Variants in MED15 observed in about 807,000 individuals in gnomAD.
MED15 encodes mediator complex subunit 15.
MED15 carries 41 observed loss-of-function variants against 118.7 expected under a neutral mutation model. That is an observed-to-expected ratio of 0.35 (90% CI 0.27 to 0.45). MED15 has a LOEUF of 0.45. Among genes scored for constraint, MED15 ranks in the 20% least tolerant of loss-of-function variants. The pLI is 1.00. For missense variants in MED15, 740 were observed against 1,025.5 expected (o/e 0.72, Z 3.80); for synonymous variants, 436 against 413.9 (o/e 1.05, Z -0.65).
At chr22:20,525,041 C>G (rs2054584500) in intron 1 of MED15, among the ~76,000 whole-genome samples, 1 of 152,088 alleles carries the variant, frequency 6.6e-6, no homozygotes, top group Non-Finnish European at 1.5e-5. Flanking sequence ...TTGCTCACAC[C>G]TATAATCCAG....
At position 20,566,703 on chromosome 22, in the gene MED15, A is replaced by G; in HGVS notation, c.927A>G (p.Pro309=). 6.2e-7 allele frequency: 1 copy of G among 1,614,144 alleles called. No individual in the cohort carries two copies. The highest frequency in any genetic ancestry group is 8.5e-7 in the Non-Finnish European group (1 of 1,180,020). Residue 309 remains proline, a synonymous_variant, in exon 7 of 18, where the codon CCA becomes CCG. Coordinates refer to ENST00000263205, the MANE Select transcript of MED15 (RefSeq NM_001003891.3). ...CGCCACCACAGCCCCAGCAGCCTCCAGTTGCTCAGAACCAACCATCACAAC... is the reference window on the plus strand; with the variant it reads ...CGCCACCACAGCCCCAGCAGCCTCCGGTTGCTCAGAACCAACCATCACAAC... The part of the protein sequence containing the change: ...HQPPPQPQQP[P]VAQNQPSQLP...
intron 1 of MED15, among the ~76,000 whole-genome samples, chr22:20,533,477 A>C (rs1010582326): frequency 6.6e-6 from 1 of 152,238 alleles, no homozygotes; most frequent in East Asian, 1.9e-4. Flanking sequence ...GTTACTGGCC[A>C]CCAAACCTGC....
intron 2 of MED15, among the ~76,000 whole-genome samples, chr22:20,543,126 TGTGTGTGTGTGTGTGTGTG>T (rs1370857632): frequency 2.9e-3 from 34 of 11,732 alleles, no homozygotes; most frequent in Non-Finnish European, 5.4e-3. Context: ...TGTGTGTGTG[TGTGTGTGTGTGTGTGTGTG>T]TGTGTGTATT....
chr22:20,525,946 G>A (rs1459803799), intron 1 of MED15, among the ~76,000 whole-genome samples: 2 of 150,932 alleles, frequency 1.3e-5, no homozygotes, highest in East Asian at 1.9e-4. Context: ...TTTGAGACAG[G>A]GTCTTACTCT....
intron 1 of MED15, among the ~76,000 whole-genome samples, chr22:20,531,163 GCC>G (rs770116559): frequency 6.8e-6 from 1 of 147,466 alleles, no homozygotes; most frequent in Non-Finnish European, 1.5e-5. Context: ...TAAGTTTGAT[GCC>G]CTGTGCTCCT....
At chr22:20,556,565 G>T (rs1250519640) in intron 5 of MED15, among the ~76,000 whole-genome samples, 1 of 152,194 alleles carries the variant, frequency 6.6e-6, no homozygotes, top group Admixed American at 6.5e-5. Flanking sequence ...CTCCCAAAGT[G>T]CTGGGATTAC....
chr22:20,541,682 G>T (rs1213590817), intron 2 of MED15, among the ~76,000 whole-genome samples: 4 of 142,104 alleles, frequency 2.8e-5, no homozygotes, highest in African/African-American at 8.0e-5. Flanking sequence ...ATGGAGTCTC[G>T]CTCTGTCGCC....
intron 8 of MED15, among the ~76,000 whole-genome samples, chr22:20,571,008 C>T (rs1239528817): frequency 6.6e-6 from 1 of 152,168 alleles, no homozygotes; most frequent in Admixed American, 6.5e-5. Flanking sequence ...GATCCACCTG[C>T]CTCAGCCTCC....
chr22:20,560,986 G>T (rs1049451186), intron 5 of MED15, among the ~76,000 whole-genome samples: 2 of 152,070 alleles, frequency 1.3e-5, no homozygotes, highest in African/African-American at 2.4e-5. Flanking sequence ...GTTCTGTCGG[G>T]TACATATAAA....
chr22:20,517,273 G>C (rs2054287073), intron 1 of MED15, among the ~76,000 whole-genome samples: 1 of 152,096 alleles, frequency 6.6e-6, no homozygotes, highest in South Asian at 2.1e-4. Context: ...TGTTTTAGTG[G>C]CTGCCCACTG....
chr22:20,586,447 A>G, intron 17 of MED15, 121 bp from the exon 18 acceptor site: 1 of 1,440,532 alleles, frequency 6.9e-7, no homozygotes, highest in Non-Finnish European at 9.4e-7. Context: ...CGTGCAGGAC[A>G]CATCACCTCC....
At chr22:20,538,945 C>T (rs2055184716) in intron 2 of MED15, among the ~76,000 whole-genome samples, 1 of 152,008 alleles carries the variant, frequency 6.6e-6, no homozygotes, top group Non-Finnish European at 1.5e-5. Context: ...AGGTGATCCG[C>T]CCGCCTCAGC....
At chr22:20,579,468 GGAGTGCC>G (rs2056915039) in intron 9 of MED15, among the ~76,000 whole-genome samples, 1 of 152,076 alleles carries the variant, frequency 6.6e-6, no homozygotes, top group Admixed American at 6.5e-5. Flanking sequence ...TGCACCCTGG[GGAGTGCC>G]TCCAGGGGAC....
At chr22:20,521,484 C>G (rs956117958) in intron 1 of MED15, among the ~76,000 whole-genome samples, 4 of 151,408 alleles carry the variant, frequency 2.6e-5, no homozygotes, top group African/African-American at 9.7e-5. Flanking sequence ...GCAAGCTCTG[C>G]CTCCCGGGTT....
At chr22:20,535,911 T>G (rs1265077849) in intron 1 of MED15, among the ~76,000 whole-genome samples, 1 of 122,512 alleles carries the variant, frequency 8.2e-6, no homozygotes, top group Non-Finnish European at 1.7e-5. Context: ...GGAGTTTCGC[T>G]CTGTCACCCA....
In MED15 at chr22:20,583,134, G is replaced by A. The variant is rs1199235716; in HGVS notation, c.1559G>A (p.Ser520Asn). ...NTPVNPSSVM[S>N]PAGSSQAEEQ... ...GCAGTGAACCCCAGCTCTGTCATGA[G>A]CCCAGCTGGCTCCAGCCAGGCTGAG... is the stretch of plus-strand genomic sequence containing the variant. Residue 520 changes from serine to asparagine, a missense_variant, in exon 12 of 18, where the codon AGC becomes AAC. Coordinates refer to ENST00000263205, the MANE Select transcript of MED15 (RefSeq NM_001003891.3). 1 of 1,603,654 alleles carries A rather than the reference G, an allele frequency of 6.2e-7. No homozygotes were observed. The highest frequency in any genetic ancestry group is 1.7e-5 in the Admixed American group (1 of 59,678).
intron 1 of MED15, among the ~76,000 whole-genome samples, chr22:20,516,029 T>C (rs2054244437): frequency 6.7e-6 from 1 of 150,042 alleles, no homozygotes; most frequent in Admixed American, 6.7e-5. Context: ...TAAAAATAAA[T>C]AAGTAGGTTG....
At chr22:20,535,773 A>G (rs1034183425) in intron 1 of MED15, among the ~76,000 whole-genome samples, 4 of 149,724 alleles carry the variant, frequency 2.7e-5, no homozygotes, top group African/African-American at 9.8e-5. Context: ...GTTAGCCAGG[A>G]TGGTCGTGCT....
intron 13 of MED15, chr22:20,583,792 ACGTGTG>A: frequency 4.0e-6 from 1 of 249,800 alleles, no homozygotes; most frequent in Non-Finnish European, 7.9e-6. Flanking sequence ...TTTGTAGCCC[ACGTGTG>A]TTGTCATGAA....
Sources: allele counts gnomAD v4.1 joint callset (sites outside exome capture counted in the v4.1 genomes callset), GRCh38; gene constraint gnomAD v4.1.1; transcripts MANE v1.5; gene names NCBI Gene and HGNC (gene_info 2026-07-23, HGNC 2026-07-21).